Variants in RBFOX1 observed in about 807,000 individuals in gnomAD.
RBFOX1 encodes the protein RNA binding protein fox-1 homolog 1.
RBFOX1 carries 8 observed loss-of-function variants against 57.7 expected under a neutral mutation model. That is an observed-to-expected ratio of 0.14 (90% CI 0.08 to 0.25). RBFOX1 has a LOEUF of 0.25. RBFOX1 is among the 10% of genes least tolerant of loss of function. RBFOX1 has a pLI of 1.00. For synonymous variants in RBFOX1, 326 were observed against 222.4 expected, an observed-to-expected ratio of 1.47 and a Z score of -4.15; for missense variants, 611 against 548.5, an observed-to-expected ratio of 1.11 and a Z score of -1.14.
intron 4 of RBFOX1, among the ~76,000 whole-genome samples, chr16:5,977,481 G>T (rs535443913): frequency 3.2e-4 from 48 of 152,260 alleles, no homozygotes; most frequent in Admixed American, 5.9e-4. Flanking sequence ...GGAGAGACAC[G>T]TACTTGGGGC....
chr16:6,774,418 G>T lies in RBFOX1; in HGVS notation c.-16+119768G>T, dbSNP rs557013503. On this transcript the variant is annotated intron_variant, in intron 3 of 15. Coordinates refer to ENST00000550418, the MANE Select transcript of RBFOX1 (RefSeq NM_018723.4). ...GTTATGATCACAATTTCTAAAACTG[G>T]GACTCTAAATAATAGGTTCCAGAAG... 3.0e-4 allele frequency among the ~76,000 whole-genome samples: 45 copies of T among 152,106 alleles called. 1 individual carries two copies. The South Asian group carries it at 9.3e-3, about 32-fold the overall frequency.
intron 3 of RBFOX1, among the ~76,000 whole-genome samples, chr16:5,692,470 A>G (rs147441566): frequency 4.6e-5 from 7 of 152,260 alleles, no homozygotes; most frequent in Admixed American, 6.5e-5. Context: ...GACTCTGTGT[A>G]TTACAGCTCC....
intron 3 of RBFOX1, among the ~76,000 whole-genome samples, chr16:5,839,718 C>G (rs538872451): frequency 7.9e-6 from 1 of 127,324 alleles, no homozygotes; most frequent in Admixed American, 8.5e-5. Context: ...CTTAGGGTTA[C>G]AAGATGGCTG....
intron 1 of RBFOX1, among the ~76,000 whole-genome samples, chr16:6,139,352 A>C (rs60365757): frequency 0.098 from 14,865 of 152,050 alleles, 829 homozygotes; most frequent in African/African-American, 0.13. Context: ...TGAGGTCCCA[A>C]CTCTGCTGCT....
chr16:6,311,510 C>T (rs992676165), intron 1 of RBFOX1, among the ~76,000 whole-genome samples: 3 of 152,072 alleles, frequency 2.0e-5, no homozygotes, highest in African/African-American at 7.2e-5. Flanking sequence ...TCCATGCTGT[C>T]CTCACTGTGT....
At chr16:6,819,001 C>G (rs1265453856) in intron 3 of RBFOX1, among the ~76,000 whole-genome samples, 1 of 152,010 alleles carries the variant, frequency 6.6e-6, no homozygotes, top group Admixed American at 6.6e-5. Flanking sequence ...AAACTTGACA[C>G]AGAGGAAAAT....
At chr16:6,586,807 T>A (rs1548858) in intron 2 of RBFOX1, among the ~76,000 whole-genome samples, 73,761 of 151,952 alleles carry the variant, frequency 0.49, 18,803 homozygotes, top group East Asian at 0.71. Flanking sequence ...AGGGTTTTGT[T>A]TTAACTGCAC....
intron 4 of RBFOX1, among the ~76,000 whole-genome samples, chr16:7,393,671 A>G (rs1406476145): frequency 6.6e-6 from 1 of 152,064 alleles, no homozygotes; most frequent in Non-Finnish European, 1.5e-5. Flanking sequence ...TGGATTATTC[A>G]TTGTGCCAAG....
rs1235461496 is a variant in RBFOX1, at chr16:7,186,241, TATAAACATAAACATATTTATATAAAC to T, written c.27+134169_27+134194del. On this transcript the variant is annotated intron_variant, in intron 4 of 15. Transcript: ENST00000550418. The stretch of plus-strand genomic sequence containing the variant: ...ATTTATATAAACATAAACATATTTA[TATAAACATAAACATATTTATATAAAC>T]ATAAACATAAACATATTTATATAAA... Among the ~76,000 whole-genome samples the T allele has an allele frequency of 2.9e-4, 37 of 127,100 alleles. 9 individuals are homozygous for T. The highest frequency in any genetic ancestry group is 5.3e-4 in the Non-Finnish European group (31 of 58,706). 83.4% of individuals were successfully genotyped at this position (127,100 alleles called of 152,430 possible).
intron 2 of RBFOX1, among the ~76,000 whole-genome samples, chr16:5,532,181 G>A (rs990072129): frequency 6.6e-6 from 1 of 152,166 alleles, no homozygotes; most frequent in African/African-American, 2.4e-5. Flanking sequence ...TCTTGGTCAT[G>A]GTTGGGGTTG....
At chr16:6,718,217 A>G (rs1343544426) in intron 3 of RBFOX1, among the ~76,000 whole-genome samples, 2 of 152,184 alleles carry the variant, frequency 1.3e-5, no homozygotes, top group African/African-American at 4.8e-5. Flanking sequence ...AATAACAGCA[A>G]TTAATGTTTA....
chr16:6,466,626 A>T (rs946752150), intron 2 of RBFOX1, among the ~76,000 whole-genome samples: 2 of 152,206 alleles, frequency 1.3e-5, no homozygotes, highest in South Asian at 4.1e-4. Flanking sequence ...TATCACAGGA[A>T]TGGCAAATAG....
intron 3 of RBFOX1, among the ~76,000 whole-genome samples, chr16:6,707,303 C>G (rs937637943): frequency 6.6e-6 from 1 of 152,136 alleles, no homozygotes; most frequent in African/African-American, 2.4e-5. Flanking sequence ...CTGAGACAGA[C>G]GCATTTCCTC....
chr16:6,891,808 A>T (rs1339375071), intron 3 of RBFOX1, among the ~76,000 whole-genome samples: 6 of 152,214 alleles, frequency 3.9e-5, no homozygotes, highest in African/African-American at 1.4e-4. Flanking sequence ...GCAAAGGTTG[A>T]GCCAGCCTAA....
At chr16:7,645,893 G>T (rs1397190584) in intron 11 of RBFOX1, among the ~76,000 whole-genome samples, 2 of 151,602 alleles carry the variant, frequency 1.3e-5, no homozygotes, top group Admixed American at 6.6e-5. Flanking sequence ...TGGCCGTTTT[G>T]GTCTTTCTAT....
chr16:5,649,207 C>G (rs942991741), intron 3 of RBFOX1, among the ~76,000 whole-genome samples: 4 of 151,952 alleles, frequency 2.6e-5, no homozygotes, highest in African/African-American at 9.7e-5. Flanking sequence ...TGGAGTCTTT[C>G]TCTGTCACCC....
intron 3 of RBFOX1, among the ~76,000 whole-genome samples, chr16:5,809,789 T>C (rs1193768049): frequency 2.6e-5 from 4 of 152,092 alleles, no homozygotes; most frequent in African/African-American, 4.8e-5. Flanking sequence ...GATCTAGAAC[T>C]AGAAATACCA....
At chr16:6,815,689 T>C (rs1041692509) in intron 3 of RBFOX1, among the ~76,000 whole-genome samples, 2 of 152,142 alleles carry the variant, frequency 1.3e-5, no homozygotes, top group Non-Finnish European at 2.9e-5. Context: ...CCTAGACTTG[T>C]TCAGCGACAG....
chr16:7,120,180 G>A (rs988214431), intron 4 of RBFOX1, among the ~76,000 whole-genome samples: 4 of 152,018 alleles, frequency 2.6e-5, no homozygotes, highest in Non-Finnish European at 4.4e-5. Flanking sequence ...GGTGGGAAGC[G>A]AAAGCAGTGC....
Sources: gnomAD v4.1 joint callset for allele counts (sites outside exome capture counted in the v4.1 genomes callset) on GRCh38, gnomAD v4.1.1 for gene constraint, MANE v1.5 for transcripts, NCBI Gene and HGNC (gene_info 2026-07-23, HGNC 2026-07-21) for gene names.